The following GRID1 variants were observed in gnomAD, a reference collection of about 807,000 sequenced individuals.
GRID1 encodes glutamate receptor ionotropic, delta-1.
A neutral mutation model predicts 98.0 loss-of-function variants in GRID1; 28 were observed. The observed-to-expected ratio is 0.29, with a 90% CI of 0.21 to 0.39. The LOEUF (loss-of-function observed/expected upper bound fraction) is 0.39. GRID1 is among the 10% of genes least tolerant of loss of function. The pLI, the probability that GRID1 is intolerant of heterozygous loss-of-function variation, is 1.00. For synonymous variants in GRID1, 553 were observed against 538.5 expected (o/e 1.03, Z -0.37); for missense variants, 1,111 against 1,340.5 (o/e 0.83, Z 2.67).
chr10:85,840,062 T>A (rs569042281), intron 8 of GRID1, among the ~76,000 whole-genome samples: 1 of 152,068 alleles, frequency 6.6e-6, no homozygotes, highest in Non-Finnish European at 1.5e-5. Context: ...ACGAAGAAAC[T>A]GAAACCCTGA....
chr10:86,085,511 A>C (rs191031467), intron 4 of GRID1, among the ~76,000 whole-genome samples: 1 of 152,230 alleles, frequency 6.6e-6, no homozygotes, highest in East Asian at 1.9e-4. Context: ...ACTCTCCAAG[A>C]GTCCTGGTGC....
intron 8 of GRID1, among the ~76,000 whole-genome samples, chr10:85,769,074 T>C (rs981300837): frequency 2.6e-5 from 4 of 152,064 alleles, no homozygotes; most frequent in African/African-American, 9.7e-5. Context: ...AAAAAGACTA[T>C]AGTAATGTAC....
intron 4 of GRID1, among the ~76,000 whole-genome samples, chr10:86,138,273 G>C (rs1005222937): frequency 6.6e-6 from 1 of 152,190 alleles, no homozygotes; most frequent in Non-Finnish European, 1.5e-5. Flanking sequence ...GATGGGCCCT[G>C]TCTTCATTAG....
At chr10:85,626,254 G>A (rs966199849) in intron 13 of GRID1, among the ~76,000 whole-genome samples, 3 of 152,098 alleles carry the variant, frequency 2.0e-5, no homozygotes, top group Non-Finnish European at 2.9e-5. Context: ...ATTAAATGAC[G>A]TGTCCCAAAC....
intron 4 of GRID1, among the ~76,000 whole-genome samples, chr10:85,989,117 G>C (rs190346452): frequency 1.4e-4 from 22 of 152,346 alleles, no homozygotes; most frequent in African/African-American, 5.3e-4. Flanking sequence ...AGAGTTGCCT[G>C]CTACCTGGCA....
At chr10:85,829,271 C>T (rs992509577) in intron 8 of GRID1, among the ~76,000 whole-genome samples, 4 of 151,792 alleles carry the variant, frequency 2.6e-5, no homozygotes, top group African/African-American at 9.7e-5. Context: ...TGTTAAAAAC[C>T]CTCAACAAAC....
At chr10:86,176,830 A>G (rs1845582369) in intron 3 of GRID1, among the ~76,000 whole-genome samples, 1 of 152,096 alleles carries the variant, frequency 6.6e-6, no homozygotes, top group Admixed American at 6.5e-5. Context: ...CAGATGGAGG[A>G]GTAGATGCAA....
intron 4 of GRID1, among the ~76,000 whole-genome samples, chr10:85,921,544 T>C (rs992345738): frequency 2.6e-5 from 4 of 152,146 alleles, no homozygotes; most frequent in Non-Finnish European, 2.9e-5. Context: ...ACGATTTTCA[T>C]AGGGAAATAG....
intron 4 of GRID1, among the ~76,000 whole-genome samples, chr10:86,077,999 T>A (rs1408315195): frequency 2.0e-5 from 3 of 152,222 alleles, no homozygotes; most frequent in African/African-American, 7.2e-5. Context: ...GGAGCCAACA[T>A]CCTGATGCAT....
chr10:86,306,748 G>A (rs1409020783), intron 2 of GRID1, among the ~76,000 whole-genome samples: 3 of 152,178 alleles, frequency 2.0e-5, no homozygotes, highest in Admixed American at 2.0e-4. Context: ...AAGTCCCTGA[G>A]GACCATGTTG....
At chr10:85,660,450 G>A (rs1840952582) in intron 12 of GRID1, among the ~76,000 whole-genome samples, 1 of 152,146 alleles carries the variant, frequency 6.6e-6, no homozygotes, top group Admixed American at 6.5e-5. Flanking sequence ...AACATCTGGG[G>A]ATATCCAAAC....
chr10:85,864,472 G>GT (rs1843195955), intron 6 of GRID1, among the ~76,000 whole-genome samples: 2 of 152,264 alleles, frequency 1.3e-5, no homozygotes, highest in African/African-American at 4.8e-5. Flanking sequence ...ATAGCAGCCA[G>GT]TTGCAGCCAA....
At chr10:86,122,691 T>C (rs956771085) in intron 4 of GRID1, among the ~76,000 whole-genome samples, 6 of 152,382 alleles carry the variant, frequency 3.9e-5, no homozygotes, top group African/African-American at 1.2e-4. Flanking sequence ...GTCACTGAAT[T>C]AAATGTGCAA....
At chr10:86,280,986 G>A (rs1847349395) in intron 2 of GRID1, among the ~76,000 whole-genome samples, 1 of 152,200 alleles carries the variant, frequency 6.6e-6, no homozygotes, top group Non-Finnish European at 1.5e-5. Context: ...CAACCATGGG[G>A]ATCACCCTTC....
intron 4 of GRID1, among the ~76,000 whole-genome samples, chr10:85,937,425 C>A (rs1306218297): frequency 2.0e-5 from 3 of 152,190 alleles, no homozygotes; most frequent in African/African-American, 7.2e-5. Context: ...CACCTGTGTT[C>A]ATCAGAAAAG....
chr10:86,312,681 G>A (rs936447108), intron 2 of GRID1, among the ~76,000 whole-genome samples: 1 of 152,262 alleles, frequency 6.6e-6, no homozygotes, highest in African/African-American at 2.4e-5. Context: ...CATCTCACAA[G>A]GTGACTTGGG....
intron 11 of GRID1, 93 bp from the exon 12 acceptor site, chr10:85,723,234 C>T (rs562553135): frequency 4.7e-6 from 6 of 1,288,102 alleles, no homozygotes; most frequent in African/African-American, 3.0e-5. Flanking sequence ...GGCACACAGG[C>T]CATCACTCGT....
intron 4 of GRID1, among the ~76,000 whole-genome samples, chr10:86,048,292 G>T (rs538114419): frequency 6.6e-6 from 1 of 152,250 alleles, no homozygotes; most frequent in East Asian, 1.9e-4. Flanking sequence ...AGGATCACTT[G>T]AGTGCCCATC....
intron 8 of GRID1, among the ~76,000 whole-genome samples, chr10:85,777,065 G>A (rs1842338351): frequency 6.6e-6 from 1 of 152,210 alleles, no homozygotes; most frequent in African/African-American, 2.4e-5. Flanking sequence ...TAATGGGAAA[G>A]GGTCCTATAT....
Sources: gnomAD v4.1 joint callset for allele counts (sites outside exome capture counted in the v4.1 genomes callset) on GRCh38, gnomAD v4.1.1 for gene constraint, MANE v1.5 for transcripts, NCBI Gene and HGNC (gene_info 2026-07-23, HGNC 2026-07-21) for gene names.